Variants in GALNT17 observed in about 807,000 individuals in gnomAD.
GALNT17 encodes the protein UDP-GalNAc:polypeptide N-acetylgalactosaminyltransferase-like 3.
GALNT17 carries 29 observed loss-of-function variants against 63.7 expected under a neutral mutation model. That is an observed-to-expected ratio of 0.46 (90% confidence interval 0.34 to 0.62). GALNT17 has a LOEUF of 0.62. GALNT17 is among the 20% of genes least tolerant of loss of function. GALNT17 has a pLI of 0.01. For synonymous variants in GALNT17, 305 were observed against 318.3 expected, an observed-to-expected ratio of 0.96 and a Z score of 0.45; for missense variants, 603 against 799.6, an observed-to-expected ratio of 0.75 and a Z score of 2.97.
intron 5 of GALNT17, among the ~76,000 whole-genome samples, chr7:71,466,127 G>T (rs759196300): frequency 6.6e-6 from 1 of 152,128 alleles, no homozygotes; most frequent in Non-Finnish European, 1.5e-5. Flanking sequence ...TGCAGTGGCC[G>T]TTTCAAAATA....
At chr7:71,648,722 C>T (rs1790715551) in intron 6 of GALNT17, among the ~76,000 whole-genome samples, 1 of 152,182 alleles carries the variant, frequency 6.6e-6, no homozygotes. Flanking sequence ...CAGGCATAAG[C>T]CACCAAGCCT....
chr7:71,285,998 G>A (rs546176518), intron 1 of GALNT17, among the ~76,000 whole-genome samples: 2 of 152,312 alleles, frequency 1.3e-5, no homozygotes, highest in South Asian at 4.1e-4. Context: ...AACTAAATGC[G>A]TTCCCAACCT....
chr7:71,153,592 A>G (rs533398085), intron 1 of GALNT17, among the ~76,000 whole-genome samples: 2 of 152,172 alleles, frequency 1.3e-5, no homozygotes, highest in African/African-American at 4.8e-5. Context: ...AGGAATAGGA[A>G]ACAATTGTCC....
At chr7:71,422,586 T>TCATG (rs779039280) in intron 5 of GALNT17, among the ~76,000 whole-genome samples, 3 of 152,226 alleles carry the variant, frequency 2.0e-5, no homozygotes, top group Admixed American at 6.5e-5. Context: ...CCTAGGGGGA[T>TCATG]CATGCAGATG....
chr7:71,671,519 G>A (rs1791069514), intron 8 of GALNT17, among the ~76,000 whole-genome samples: 1 of 152,222 alleles, frequency 6.6e-6, no homozygotes, highest in African/African-American at 2.4e-5. Flanking sequence ...GGAATGGGAT[G>A]CTCACATCTT....
chr7:71,375,066 C>T (rs1233270269), intron 2 of GALNT17, among the ~76,000 whole-genome samples: 1 of 152,004 alleles, frequency 6.6e-6, no homozygotes, highest in Non-Finnish European at 1.5e-5. Flanking sequence ...TCTTGAACTC[C>T]TGACCTCAGA....
rs146123647 is a variant in GALNT17, at chr7:71,631,576, C to T, written c.1081-33835C>T. Among the ~76,000 whole-genome samples, 9 of 152,268 alleles carry T rather than the reference C, an allele frequency of 5.9e-5. No homozygotes were observed. In the East Asian group the frequency reaches 1.2e-3, roughly 20 times the overall value. On this transcript the variant is annotated intron_variant, in intron 6 of 10. Transcript: ENST00000333538. The stretch of plus-strand genomic sequence containing the variant: ...CATGTGGGAAGGATGGGAAATTCAA[C>T]AGCCCTTCAACAAGAACAAGCTTGG...
At chr7:71,286,510 C>T (rs555854843) in intron 1 of GALNT17, among the ~76,000 whole-genome samples, 2 of 152,276 alleles carry the variant, frequency 1.3e-5, no homozygotes, top group South Asian at 2.1e-4. Flanking sequence ...GTATTATTCC[C>T]GTTCGCAAAT....
chr7:71,682,798 T>C (rs768084087), intron 9 of GALNT17, among the ~76,000 whole-genome samples: 22 of 152,072 alleles, frequency 1.4e-4, no homozygotes, highest in Non-Finnish European at 3.1e-4. Context: ...GAACTCCTGA[T>C]CTCAGGCAAT....
intron 3 of GALNT17, among the ~76,000 whole-genome samples, chr7:71,393,723 G>T (rs1188995793): frequency 5.3e-5 from 8 of 152,102 alleles, no homozygotes; most frequent in Admixed American, 5.2e-4. Context: ...CTTTGTCAGG[G>T]AATTTTGTTT....
At chr7:71,485,589 C>T (rs1242044376) in intron 5 of GALNT17, among the ~76,000 whole-genome samples, 1 of 152,200 alleles carries the variant, frequency 6.6e-6, no homozygotes, top group Middle Eastern at 3.2e-3. Flanking sequence ...TTCACCCAGA[C>T]ACTCCCACAG....
intron 1 of GALNT17, among the ~76,000 whole-genome samples, chr7:71,242,883 A>T (rs1790024896): frequency 6.6e-6 from 1 of 152,174 alleles, no homozygotes; most frequent in Non-Finnish European, 1.5e-5. Context: ...GAAGACACTC[A>T]ATGTTCATTG....
intron 1 of GALNT17, among the ~76,000 whole-genome samples, chr7:71,135,614 C>T (rs1057197003): frequency 6.6e-5 from 10 of 152,322 alleles, no homozygotes; most frequent in African/African-American, 2.2e-4. Flanking sequence ...CCCTTTAAGA[C>T]AGATTTCTGG....
chr7:71,519,013 G>T (rs981085008), intron 5 of GALNT17, among the ~76,000 whole-genome samples: 5 of 152,170 alleles, frequency 3.3e-5, no homozygotes, highest in African/African-American at 1.2e-4. Flanking sequence ...CATGGTTGAG[G>T]ATTATTTAGG....
intron 1 of GALNT17, chr7:71,300,477 G>C (rs372224549): frequency 5.1e-5 from 23 of 452,514 alleles, no homozygotes; most frequent in African/African-American, 4.6e-4. Flanking sequence ...GGATGTTCAT[G>C]AGCTTGGACA....
At chr7:71,585,202 A>C (rs1789697404) in intron 6 of GALNT17, among the ~76,000 whole-genome samples, 1 of 152,150 alleles carries the variant, frequency 6.6e-6, no homozygotes, top group African/African-American at 2.4e-5. Flanking sequence ...TAGTGCTGAC[A>C]TTGGGAGATA....
chr7:71,582,692 T>A (rs1294470241), intron 6 of GALNT17, among the ~76,000 whole-genome samples: 1 of 152,232 alleles, frequency 6.6e-6, no homozygotes, highest in Admixed American at 6.5e-5. Context: ...TGGAGACTAT[T>A]ATTCTAAGTG....
chr7:71,443,973 CGCCTTG>C (rs1220910270), intron 5 of GALNT17, among the ~76,000 whole-genome samples: 2 of 152,160 alleles, frequency 1.3e-5, no homozygotes, highest in Non-Finnish European at 2.9e-5. Context: ...GTGATCTGCC[CGCCTTG>C]GCCTCCCAAA....
chr7:71,519,175 A>C (rs1333152427), intron 5 of GALNT17, among the ~76,000 whole-genome samples: 1 of 152,182 alleles, frequency 6.6e-6, no homozygotes, highest in African/African-American at 2.4e-5. Flanking sequence ...GCAGTGTTCC[A>C]AGTAGGCATG....
Sources: allele counts gnomAD v4.1 joint callset (sites outside exome capture counted in the v4.1 genomes callset), GRCh38; gene constraint gnomAD v4.1.1; transcripts MANE v1.5; gene names NCBI Gene and HGNC (gene_info 2026-07-23, HGNC 2026-07-21).